Variants in FNIP1 observed in about 807,000 individuals in gnomAD.
FNIP1 encodes folliculin-interacting protein 1.
FNIP1 carries 40 observed loss-of-function variants against 124.5 expected under a neutral mutation model. The ratio of observed to expected loss-of-function variants is 0.32; its 90% confidence interval spans 0.25 to 0.42. The LOEUF (loss-of-function observed/expected upper bound fraction) is 0.42. Ranked by LOEUF, FNIP1 falls within the 10% of genes least tolerant of loss-of-function variation. The pLI is 1.00. For missense variants in FNIP1, 1,176 were observed against 1,403.7 expected (o/e 0.84, Z 2.59); for synonymous variants, 472 against 470.6 (o/e 1.00, Z -0.04).
chr5:131,702,688 C>T (rs554174385), intron 10 of FNIP1, among the ~76,000 whole-genome samples: 1 of 152,286 alleles, frequency 6.6e-6, no homozygotes, highest in Admixed American at 6.5e-5. Flanking sequence ...TTTGTCCTTC[C>T]TTTTTAGCTT....
chr5:131,796,857 T>C lies in FNIP1; in HGVS notation c.65A>G (p.Asp22Gly). The stretch of plus-strand genomic sequence containing the variant: ...GAACCCGCAATCTGGGTCCCGGGCG[T>C]CGCGGCCGGGCGCGCCCAGCCCGGT... ...KRTGLGAPGR[D>G]ARDPDCGFSW... is the part of the protein sequence containing the mutation. Residue 22 changes from aspartate to glycine, a missense_variant, in exon 1 of 18, where the codon GAC becomes GGC. Transcript: ENST00000510461. 6.2e-7 allele frequency: 1 copy of C among 1,604,322 alleles called. No homozygotes were observed. Among genetic ancestry groups the C allele is most frequent in the Non-Finnish European group, 8.5e-7 (1 of 1,176,224 alleles).
intron 11 of FNIP1, among the ~76,000 whole-genome samples, chr5:131,684,544 A>G (rs1768204026): frequency 6.6e-6 from 1 of 152,244 alleles, no homozygotes; most frequent in Non-Finnish European, 1.5e-5. Flanking sequence ...TAATAGTGAC[A>G]TATACTTTTA....
intron 1 of FNIP1, among the ~76,000 whole-genome samples, chr5:131,754,309 G>A (rs1234041610): frequency 6.6e-6 from 1 of 152,178 alleles, no homozygotes; most frequent in Non-Finnish European, 1.5e-5. Flanking sequence ...CGTGATACAT[G>A]CTATGACTGA....
rs138694972 is a variant in FNIP1 at position 131,689,032 on chromosome 5, A to G, written c.1203-9857T>C. Reference sequence around the variant, plus strand: ...TAAATACCAACAAATCTACTCCTATATATATCATACTGAAACTGCAGAAAA... The same window carrying G: ...TAAATACCAACAAATCTACTCCTATGTATATCATACTGAAACTGCAGAAAA... On this transcript the variant is annotated intron_variant, in intron 11 of 17. Coordinates refer to ENST00000510461, the MANE Select transcript of FNIP1 (RefSeq NM_133372.3). Among the ~76,000 whole-genome samples, 27 of 152,142 alleles carry G rather than the reference A, an allele frequency of 1.8e-4. No homozygotes were observed. In the East Asian group the frequency reaches 3.3e-3, roughly 18 times the overall value.
intron 3 of FNIP1, among the ~76,000 whole-genome samples, chr5:131,729,859 C>T (rs531486558): frequency 6.6e-6 from 1 of 152,258 alleles, no homozygotes; most frequent in East Asian, 1.9e-4. Flanking sequence ...AATTCTCCTG[C>T]CCCAGCCTCC....
At position 131,677,842 on chromosome 5, in the gene FNIP1, C is replaced by A; in HGVS notation, c.1380G>T (p.Leu460=). 6.2e-7 allele frequency: 1 copy of A among 1,613,868 alleles called. No homozygotes were observed. Among genetic ancestry groups the A allele is most frequent in the South Asian group, 1.1e-5 (1 of 91,050 alleles). ...TTGGAACCCAGGCAAGATGATTGGTCAGAACTGCAGTAATGAGAGCTGGCA... is the reference window on the plus strand; with the variant it reads ...TTGGAACCCAGGCAAGATGATTGGTAAGAACTGCAGTAATGAGAGCTGGCA... ...QFLPALITAV[L]TNHLAWVPTV... Residue 460 remains leucine (L), a synonymous_variant, in exon 13 of 18, where the codon CTG becomes CTT. Transcript: ENST00000510461.
chr5:131,689,538 G>A (rs747897816), intron 11 of FNIP1, among the ~76,000 whole-genome samples: 11 of 152,168 alleles, frequency 7.2e-5, no homozygotes, highest in Non-Finnish European at 1.6e-4. Flanking sequence ...TGTGATGTGA[G>A]GGAGAAATTG....
At chr5:131,793,527 T>A (rs1772479256) in intron 1 of FNIP1, among the ~76,000 whole-genome samples, 1 of 152,130 alleles carries the variant, frequency 6.6e-6, no homozygotes, top group Non-Finnish European at 1.5e-5. Context: ...CCATAATATT[T>A]TTCAAACTCA....
At chr5:131,758,904 A>G (rs746047654) in intron 1 of FNIP1, among the ~76,000 whole-genome samples, 14 of 152,110 alleles carry the variant, frequency 9.2e-5, no homozygotes, top group Non-Finnish European at 1.6e-4. Flanking sequence ...AAATACTTAG[A>G]TATTAAGTGG....
intron 11 of FNIP1, among the ~76,000 whole-genome samples, chr5:131,693,352 A>G (rs1183949088): frequency 2.9e-5 from 4 of 137,204 alleles, no homozygotes; most frequent in Admixed American, 1.5e-4. Context: ...ATATATATAT[A>G]TATATATATA....
intron 2 of FNIP1, among the ~76,000 whole-genome samples, chr5:131,738,516 C>T (rs1046276976): frequency 1.3e-5 from 2 of 151,434 alleles, no homozygotes; most frequent in Non-Finnish European, 2.9e-5. Context: ...TTGCTTGAGA[C>T]AGAGTCTCAC....
chr5:131,797,001 G>A lies in FNIP1; in HGVS notation c.-80C>T. On this transcript the variant is annotated 5_prime_UTR_variant, in exon 1 of 18. Transcript: ENST00000510461. ...CCTACAGCCGCCCCGCCACCCCCAT[G>A]GGCGCCTCAGTCATATGACAGAAAT... 7.7e-7 allele frequency: 1 copy of A among 1,296,414 alleles called. No homozygotes were observed. Among genetic ancestry groups the A allele is most frequent in the Non-Finnish European group, 1.1e-6 (1 of 932,950 alleles). 80.3% of individuals were successfully genotyped at this position (1,296,414 alleles called of 1,614,324 possible). A position where few individuals can be genotyped will look rare whatever the true frequency, so the allele number is the denominator to read the frequency against.
At chr5:131,765,911 C>T (rs767434938) in intron 1 of FNIP1, among the ~76,000 whole-genome samples, 1 of 152,130 alleles carries the variant, frequency 6.6e-6, no homozygotes, top group Non-Finnish European at 1.5e-5. Flanking sequence ...TCATTGTAAT[C>T]TTACATCTTC....
chr5:131,718,255 T>C (rs1419326712), intron 5 of FNIP1, among the ~76,000 whole-genome samples: 4 of 152,052 alleles, frequency 2.6e-5, no homozygotes, highest in African/African-American at 7.2e-5. Context: ...GAAACTTAGC[T>C]AATAAAACTC....
At chr5:131,761,881 A>G (rs1771243531) in intron 1 of FNIP1, among the ~76,000 whole-genome samples, 1 of 152,196 alleles carries the variant, frequency 6.6e-6, no homozygotes, top group Non-Finnish European at 1.5e-5. Context: ...TGCTATAGTA[A>G]CCAAATCAGC....
chr5:131,721,832 G>C (rs1274624792), intron 3 of FNIP1, among the ~76,000 whole-genome samples: 1 of 152,120 alleles, frequency 6.6e-6, no homozygotes, highest in Non-Finnish European at 1.5e-5. Flanking sequence ...AGAACCTCCT[G>C]ATTAAAAAGT....
At chr5:131,790,371 C>G (rs772408401) in intron 1 of FNIP1, among the ~76,000 whole-genome samples, 1 of 146,430 alleles carries the variant, frequency 6.8e-6, no homozygotes, top group South Asian at 2.2e-4. Flanking sequence ...CCCAGCTATT[C>G]GGGAGGCTGA....
In FNIP1 at chr5:131,679,078, G is replaced by A. The variant is rs757970564; in HGVS notation, c.1300C>T (p.Arg434Cys). ...GTPEKNHLCY[R>C]FMKEFTFLME... ...AGAAAGGTGAACTCCTTCATGAAAC[G>A]ATAGCAAAGGTGGTTCTTTTCTGGA... The change falls in exon 12 of 18, where the codon CGT becomes TGT. Residue 434 changes from arginine (R) to cysteine (C), a missense_variant. Physicochemically the swap from Arg to Cys is radical, Grantham distance 180. Coordinates refer to ENST00000510461, the MANE Select transcript of FNIP1 (RefSeq NM_133372.3). The A allele has an allele frequency of 1.9e-6, 3 of 1,612,506 alleles. No homozygotes were observed. The highest frequency in any genetic ancestry group is 1.7e-5 in the Admixed American group (1 of 59,830).
chr5:131,792,629 A>G (rs1471353907), intron 1 of FNIP1, among the ~76,000 whole-genome samples: 2 of 152,186 alleles, frequency 1.3e-5, no homozygotes, highest in African/African-American at 4.8e-5. Flanking sequence ...CTAGTCCAAA[A>G]TTTTTTTGAT....
Sources: allele counts gnomAD v4.1 joint callset (sites outside exome capture counted in the v4.1 genomes callset), GRCh38; gene constraint gnomAD v4.1.1; transcripts MANE v1.5; gene names NCBI Gene and HGNC (gene_info 2026-07-23, HGNC 2026-07-21).